The following SPIRE2 variants were observed in gnomAD, a reference collection of about 807,000 sequenced individuals.
SPIRE2 encodes the protein spire type actin nucleation factor 2, also known as protein spire homolog 2.
In SPIRE2, 76 loss-of-function variants were observed where a neutral mutation model predicts 80.7. The ratio of observed to expected loss-of-function variants is 0.94; its 90% CI spans 0.78 to 1.14. The LOEUF is 1.14. Ranked by LOEUF, SPIRE2 falls within the 50% of genes most tolerant of loss-of-function variation. The pLI, the probability that SPIRE2 is intolerant of heterozygous loss-of-function variation, is 0.00. For missense variants in SPIRE2, 1,196 were observed against 1,015.3 expected, an observed-to-expected ratio of 1.18 and a Z score of -2.42; for synonymous variants, 535 against 432.6, an observed-to-expected ratio of 1.24 and a Z score of -2.94.
At position 89,863,707 on chromosome 16, in the gene SPIRE2, T is replaced by C. The variant is rs2041764393; in HGVS notation, c.1711-87T>C. The C allele has an allele frequency of 1.1e-5, 18 of 1,610,044 alleles. No homozygotes were observed. In the South Asian group the frequency reaches 1.6e-4, roughly 15 times the overall value. On this transcript the variant is annotated intron_variant, in intron 11 of 14. Transcript: ENST00000378247. The surrounding 1 kb of genome is among the most constrained non-coding windows in gnomAD (Gnocchi z 4.3). ...CCAGGACTGTTTGCTCATGATCTGG[T>C]TGGGAGCCCTGAGGGGGTAGCAGGG...
chr16:89,869,544 T>TA (rs776410468), intron 13 of SPIRE2, 23 bp from the exon 14 acceptor site: 1 of 1,531,668 alleles, frequency 6.5e-7, no homozygotes, highest in Non-Finnish European at 9.0e-7. Context: ...GCCTGGTTCA[T>TA]ACCTCCTCCC....
intron 7 of SPIRE2, 45 bp from the exon 8 acceptor site, chr16:89,858,293 C>T (rs369651106): frequency 4.6e-6 from 7 of 1,513,750 alleles, no homozygotes; most frequent in South Asian, 2.6e-5. Context: ...TGCCTGCTGT[C>T]TCCCCGTTCA....
Position 89,838,017 on chromosome 16 carries a change from T to TG in SPIRE2, c.245-7305_245-7304insG, listed in dbSNP as rs1253593372. Among the ~76,000 whole-genome samples, 543 of 151,106 alleles carry TG rather than the reference T, an allele frequency of 3.6e-3. 3 individuals are homozygous for TG. The highest frequency in any genetic ancestry group is 6.4e-3 in the Admixed American group (97 of 15,182). On this transcript the variant is annotated intron_variant, in intron 1 of 14. Transcript: ENST00000378247. The stretch of plus-strand genomic sequence containing the variant: ...TCTCAGCAGCTTCTTTTTTTGTTTT[T>TG]ATTTTTTTTTCTGAGACAAGTCTTG...
chr16:89,832,258 C>T (rs942102217), intron 1 of SPIRE2, among the ~76,000 whole-genome samples: 5 of 152,232 alleles, frequency 3.3e-5, no homozygotes, highest in African/African-American at 9.6e-5. Context: ...GCCTCGAGCC[C>T]GCAGCCAGCC....
At chr16:89,843,942 C>T (rs891983507) in intron 1 of SPIRE2, among the ~76,000 whole-genome samples, 4 of 148,034 alleles carry the variant, frequency 2.7e-5, no homozygotes, top group Non-Finnish European at 4.5e-5. Context: ...CTTAAGTGAT[C>T]CACCCGCCGT....
At chr16:89,830,911 T>TTC (rs1285022447) in intron 1 of SPIRE2, among the ~76,000 whole-genome samples, 1 of 33,946 alleles carries the variant, frequency 2.9e-5, no homozygotes. Context: ...TTAGAATCTT[T>TTC]TTTTTTTTTT....
Position 89,863,265 on chromosome 16 carries a change from C to T in SPIRE2, c.1576-211C>T. 1 of 601,158 alleles carries T rather than the reference C, an allele frequency of 1.7e-6. No homozygotes were observed. The highest frequency in any genetic ancestry group is 2.0e-5 in the South Asian group (1 of 49,732). The allele number at this position is 601,158 out of a possible 1,614,324, so 37.2% of individuals were successfully genotyped here. A position where few individuals can be genotyped will look rare whatever the true frequency, so the allele number is the denominator to read the frequency against. ...GAAGGCTGGGCTGGCCGGCAGGGTC[C>T]GCTGGTCATGGGAGGCCTGGCCTGC... On this transcript the variant is annotated intron_variant, in intron 10 of 14. Coordinates refer to ENST00000378247, the MANE Select transcript of SPIRE2 (RefSeq NM_032451.2). This position sits in a 1 kb window ranked among gnomAD's most constrained non-coding sequence, Gnocchi z 4.3.
Position 89,828,793 on chromosome 16 carries a change from G to C in SPIRE2, c.243G>C (p.Ala81=). Residue 81 remains alanine (A), a splice_region_variant and synonymous_variant, in exon 1 of 15, where the codon GCG becomes GCC. Coordinates refer to ENST00000378247, the MANE Select transcript of SPIRE2 (RefSeq NM_032451.2). The surrounding 1 kb of genome is among the most constrained non-coding windows in gnomAD (Gnocchi z 5.9). Reference sequence around the variant, plus strand: ...TCGGGGCGCGGGAGCCCGAGGCCGCGGGTGAGGCCGGGGGCGGGGCAGCCG... The same window carrying C: ...TCGGGGCGCGGGAGCCCGAGGCCGCCGGTGAGGCCGGGGGCGGGGCAGCCG... ...GSVGAREPEA[A]EPATMVVPLA... is the part of the protein sequence containing the mutation. The C allele has an allele frequency of 1.7e-6, 2 of 1,180,898 alleles. No homozygotes were observed. The highest frequency in any genetic ancestry group is 2.1e-6 in the Non-Finnish European group (2 of 955,178). 73.2% of individuals were successfully genotyped at this position (1,180,898 alleles called of 1,614,324 possible). A position where few individuals can be genotyped will look rare whatever the true frequency, so the allele number is the denominator to read the frequency against.
rs768023597 is a variant in SPIRE2 at position 89,869,568 on chromosome 16, T to G, written c.1808T>G (p.Met603Arg). The G allele has an allele frequency of 1.2e-6, 2 of 1,608,032 alleles. No individual in the cohort carries two copies. The highest frequency in any genetic ancestry group is 1.7e-6 in the Non-Finnish European group (2 of 1,174,652). The stretch of plus-strand genomic sequence containing the variant: ...ATACCTCCTCCCTCTGTGCTGCAGA[T>G]GAAGATGCCTTCTAAGAAATTTGGA... ...RAVCTSCSIKMKMPSKKFGHI... is the reference protein window; with the variant it reads ...RAVCTSCSIKRKMPSKKFGHI... The change falls in exon 14 of 15, where the codon ATG becomes AGG. Residue 603 changes from methionine to arginine, a missense_variant and splice_region_variant. Physicochemically the swap from Met to Arg is moderately conservative, Grantham distance 91 (BLOSUM62 -1). Coordinates refer to ENST00000378247, the MANE Select transcript of SPIRE2 (RefSeq NM_032451.2).
chr16:89,853,123 C>G (rs964691156), intron 3 of SPIRE2, among the ~76,000 whole-genome samples: 1 of 152,194 alleles, frequency 6.6e-6, no homozygotes, highest in Non-Finnish European at 1.5e-5. Context: ...TGTTGTGTCT[C>G]TGATCAGGCT....
rs73270331 is a variant in SPIRE2, at chr16:89,856,018, A to G, written c.979-95A>G. 8.7e-3 allele frequency: 13,421 copies of G among 1,538,914 alleles called. 1,067 individuals are homozygous for G. The African/African-American group carries it at 0.16, about 19-fold the overall frequency. ...TCCAGAGTGGGCCCGTGTCATGGTC[A>G]CTTCCCCACCACAGGTCCCGCTTCC... On this transcript the variant is annotated intron_variant, in intron 6 of 14. Coordinates refer to ENST00000378247, the MANE Select transcript of SPIRE2 (RefSeq NM_032451.2).
chr16:89,864,357 C>T (rs1029265463), intron 12 of SPIRE2, among the ~76,000 whole-genome samples: 10 of 152,180 alleles, frequency 6.6e-5, no homozygotes, highest in Non-Finnish European at 7.3e-5. Flanking sequence ...GAAGGTCCCC[C>T]TCTCTGAAGG....
rs770966928 is a variant in SPIRE2, at chr16:89,841,877, C to T, written c.245-3445C>T. 2.5e-4 allele frequency among the ~76,000 whole-genome samples: 38 copies of T among 151,348 alleles called. No individual in the cohort carries two copies. The Middle Eastern group carries it at 0.014, about 55-fold the overall frequency. ...CCGAGTAGCTGGGATTACAGGCATG[C>T]GCCACCATGCCCGGCTAATTTTGTA... On this transcript the variant is annotated intron_variant, in intron 1 of 14. Coordinates refer to ENST00000378247, the MANE Select transcript of SPIRE2 (RefSeq NM_032451.2).
intron 2 of SPIRE2, among the ~76,000 whole-genome samples, chr16:89,849,010 T>C (rs12448762): frequency 0.67 from 95,017 of 142,610 alleles, 31,574 homozygotes; most frequent in East Asian, 0.87. Flanking sequence ...GGGCCTTCTG[T>C]GGCGTTTCTG....
At chr16:89,865,881 C>G (rs1048466421) in intron 12 of SPIRE2, among the ~76,000 whole-genome samples, 1 of 146,460 alleles carries the variant, frequency 6.8e-6, no homozygotes, top group African/African-American at 2.5e-5. Context: ...GGCAGGAGAA[C>G]TGCTTGAACC....
At chr16:89,847,503 G>T (rs928080426) in intron 2 of SPIRE2, among the ~76,000 whole-genome samples, 1 of 152,202 alleles carries the variant, frequency 6.6e-6, no homozygotes, top group African/African-American at 2.4e-5. Context: ...CATCTTAAAC[G>T]TTTTACAGAG....
rs1219803268 is a variant in SPIRE2, at chr16:89,850,523, C to G, written c.508C>G (p.Gln170Glu). 23 of 1,523,012 alleles carry G rather than the reference C, an allele frequency of 1.5e-5. No homozygotes were observed. Among genetic ancestry groups the G allele is most frequent in the Non-Finnish European group, 2.0e-5 (23 of 1,139,750 alleles). The allele number at this position is 1,523,012 out of a possible 1,614,324, so 94.3% of individuals were successfully genotyped here. A position where few individuals can be genotyped will look rare whatever the true frequency, so the allele number is the denominator to read the frequency against. Residue 170 changes from glutamine to glutamate, a missense_variant, in exon 3 of 15, where the codon CAG (glutamine) becomes GAG (glutamate). Gln to Glu is a conservative substitution (Grantham distance 29). Transcript: ENST00000378247. ...GVPRSVRTFA[Q>E]AMRLCAARLT... is the part of the protein sequence containing the mutation. ...CCCCCGCAGCGTGCGCACCTTTGCC[C>G]AGGCCATGCGGCTGTGCGCGGCGCG...
intron 10 of SPIRE2, among the ~76,000 whole-genome samples, chr16:89,861,174 A>G (rs2041741354): frequency 6.6e-6 from 1 of 152,150 alleles, no homozygotes; most frequent in African/African-American, 2.4e-5. Flanking sequence ...GGTACTGCTC[A>G]GCCCCTCTGC....
chr16:89,863,590 A>T lies in SPIRE2; in HGVS notation c.1690A>T (p.Ser564Cys), dbSNP rs1369307341. The change falls in exon 11 of 15, where the codon AGC (serine) becomes TGC (cysteine). Residue 564 changes from serine (S) to cysteine (C), a missense_variant. Ser to Cys is a moderately radical substitution (Grantham distance 112). Coordinates refer to ENST00000378247, the MANE Select transcript of SPIRE2 (RefSeq NM_032451.2). The surrounding 1 kb of genome is among the most constrained non-coding windows in gnomAD (Gnocchi z 4.3). The part of the protein sequence containing the change: ...EKFLQNKELF[S>C]SLKKGKICCC... ...GTTTTTGCAGAACAAGGAGCTCTTC[A>T]GCAGTCTGAAGAAGGGGAAGGTGAG... 3.7e-6 allele frequency: 6 copies of T among 1,613,996 alleles called. No homozygotes were observed. In the East Asian group the frequency reaches 1.3e-4, roughly 36 times the overall value.
Sources: gnomAD v4.1 joint callset for allele counts (sites outside exome capture counted in the v4.1 genomes callset) on GRCh38, gnomAD v4.1.1 for gene constraint, Gnocchi (gnomAD v3.1) non-coding constraint, MANE v1.5 for transcripts, NCBI Gene and HGNC (gene_info 2026-07-23, HGNC 2026-07-21) for gene names.